RARB: variants seen among roughly 807,000 people sequenced by gnomAD.
RARB encodes HBV-activated protein.
In RARB, 17 loss-of-function variants were observed where a neutral mutation model predicts 51.9. That is an observed-to-expected ratio of 0.33 (90% CI 0.22 to 0.49). The LOEUF is 0.49. Ranked by LOEUF, RARB falls within the 20% of genes least tolerant of loss-of-function variation. RARB has a pLI of 0.99. For synonymous variants in RARB, 215 were observed against 195.4 expected (o/e 1.10, Z -0.84); for missense variants, 369 against 550.8 (o/e 0.67, Z 3.30).
chr3:25,079,432 C>A (rs1223123927), intron 3 of RARB, among the ~76,000 whole-genome samples: 1 of 152,140 alleles, frequency 6.6e-6, no homozygotes, highest in Non-Finnish European at 1.5e-5. Context: ...AGTGGATATT[C>A]ATGTCCCTTC....
intron 2 of RARB, among the ~76,000 whole-genome samples, chr3:24,980,236 C>A (rs1027500483): frequency 1.5e-4 from 23 of 152,108 alleles, no homozygotes; most frequent in Admixed American, 1.3e-4. Flanking sequence ...GTGAATCTGA[C>A]AATTATGTGT....
chr3:25,241,029 T>TTC (rs1201506233), intron 5 of RARB, among the ~76,000 whole-genome samples: 7 of 152,196 alleles, frequency 4.6e-5, no homozygotes, highest in Admixed American at 4.6e-4. Flanking sequence ...TGTTCAGCCT[T>TTC]TCTATTTCTT....
intron 4 of RARB, among the ~76,000 whole-genome samples, chr3:25,579,879 T>TCAC (rs1018976230): frequency 6.6e-6 from 1 of 152,190 alleles, no homozygotes; most frequent in African/African-American, 2.4e-5. Context: ...CATCAGGACA[T>TCAC]CAGCATGACA....
intron 5 of RARB, among the ~76,000 whole-genome samples, chr3:25,332,682 C>G (rs1352352858): frequency 6.6e-6 from 1 of 152,168 alleles, no homozygotes; most frequent in Admixed American, 6.5e-5. Flanking sequence ...CCAGGGCAAT[C>G]AGGCAGGAGA....
intron 2 of RARB, among the ~76,000 whole-genome samples, chr3:24,882,838 C>T (rs1355192453): frequency 6.6e-6 from 1 of 152,194 alleles, no homozygotes; most frequent in Non-Finnish European, 1.5e-5. Flanking sequence ...TCCCGTTCTC[C>T]TAACCCATGA....
At chr3:25,390,191 C>G (rs1018364813) in intron 5 of RARB, among the ~76,000 whole-genome samples, 2 of 152,012 alleles carry the variant, frequency 1.3e-5, no homozygotes, top group Non-Finnish European at 2.9e-5. Flanking sequence ...GAATTCGCAC[C>G]CTTATAAAAG....
At chr3:25,481,864 G>A (rs766494595) in intron 2 of RARB, among the ~76,000 whole-genome samples, 2 of 152,162 alleles carry the variant, frequency 1.3e-5, no homozygotes, top group Non-Finnish European at 1.5e-5. Context: ...GACTGCTTAT[G>A]CTCTGCCAGG....
chr3:25,090,128 A>G (rs1699171016), intron 3 of RARB, among the ~76,000 whole-genome samples: 1 of 152,168 alleles, frequency 6.6e-6, no homozygotes, highest in Non-Finnish European at 1.5e-5. Context: ...AGAATTAAAA[A>G]TCCATTTCCT....
intron 3 of RARB, among the ~76,000 whole-genome samples, chr3:25,077,640 A>C (rs1032169640): frequency 1.3e-5 from 2 of 152,158 alleles, no homozygotes; most frequent in African/African-American, 4.8e-5. Flanking sequence ...AACTGCTATG[A>C]AGATTTTTAT....
rs567030538 is a variant in RARB, at chr3:25,454,433, G to A, written c.158-6760G>A. Among the ~76,000 whole-genome samples the A allele has an allele frequency of 1.3e-3, 192 of 152,310 alleles. 2 individuals carry two copies. Among genetic ancestry groups the A allele is most frequent in the African/African-American group, 4.5e-3 (187 of 41,558 alleles). ...TTAGCTGAAATTACTCCCTTCCACT[G>A]GGATTCGGAGCTCTGGGCTCAAAAT... On this transcript the variant is annotated intron_variant, in intron 1 of 7. Transcript: ENST00000330688.
intron 5 of RARB, among the ~76,000 whole-genome samples, chr3:25,340,866 G>C: frequency 6.6e-6 from 1 of 152,208 alleles, no homozygotes. Flanking sequence ...TATGAGGAAT[G>C]AAGCTGAGTA....
At chr3:25,575,573 G>T (rs1700892590) in intron 4 of RARB, among the ~76,000 whole-genome samples, 1 of 152,164 alleles carries the variant, frequency 6.6e-6, no homozygotes, top group South Asian at 2.1e-4. Context: ...GGAAGGCAGT[G>T]CTTGTAGTTG....
intron 2 of RARB, among the ~76,000 whole-genome samples, chr3:24,987,247 G>GT (rs879659384): frequency 8.2e-4 from 122 of 147,954 alleles, no homozygotes; most frequent in East Asian, 1.6e-3. Context: ...ATCAACATCT[G>GT]TTTTTTTTTT....
At chr3:24,887,027 T>C (rs918096621) in intron 2 of RARB, among the ~76,000 whole-genome samples, 5 of 152,258 alleles carry the variant, frequency 3.3e-5, no homozygotes, top group African/African-American at 1.2e-4. Flanking sequence ...AGACTTACAT[T>C]TCTCATTTCT....
At chr3:25,072,751 C>T (rs1698794259) in intron 3 of RARB, among the ~76,000 whole-genome samples, 1 of 151,916 alleles carries the variant, frequency 6.6e-6, no homozygotes, top group Non-Finnish European at 1.5e-5. Context: ...CTCTGTCGCC[C>T]AGGCTGGAGT....
At chr3:25,556,110 T>TG (rs1700048176) in intron 3 of RARB, among the ~76,000 whole-genome samples, 1 of 152,026 alleles carries the variant, frequency 6.6e-6, no homozygotes, top group East Asian at 1.9e-4. Context: ...ATGCAGAGAA[T>TG]GGTGGAGATG....
In RARB at chr3:25,141,510, G is replaced by C. The variant is rs551365664; in HGVS notation, c.-280+9302G>C. ...GAGAGGCAGCATCCATGGAAATCTT[G>C]CCTCCCATTGCCTGGAGTACCTAAA... On this transcript the variant is annotated intron_variant, in intron 4 of 11. Transcript: ENST00000383772. Among the ~76,000 whole-genome samples the C allele has an allele frequency of 2.0e-3, 299 of 152,234 alleles. 1 individual carries two copies. The highest frequency in any genetic ancestry group is 7.0e-3 in the African/African-American group (291 of 41,528).
intron 3 of RARB, among the ~76,000 whole-genome samples, chr3:25,085,039 A>G (rs1200681577): frequency 6.6e-6 from 1 of 152,140 alleles, no homozygotes; most frequent in African/African-American, 2.4e-5. Flanking sequence ...TTTAAGTTGG[A>G]TAAGCTATAG....
chr3:25,398,475 T>C (rs1707177106), intron 5 of RARB, among the ~76,000 whole-genome samples: 1 of 152,230 alleles, frequency 6.6e-6, no homozygotes, highest in African/African-American at 2.4e-5. Context: ...TTACAAGGTA[T>C]TGGCACTGTT....
Sources: gnomAD v4.1 joint callset for allele counts (sites outside exome capture counted in the v4.1 genomes callset) on GRCh38, gnomAD v4.1.1 for gene constraint, MANE v1.5 for transcripts, NCBI Gene and HGNC (gene_info 2026-07-23, HGNC 2026-07-21) for gene names.